The following BICC1 variants were observed in gnomAD, a reference collection of about 807,000 sequenced individuals.
BICC1 encodes BicC family RNA binding protein 1.
A neutral mutation model predicts 111.0 loss-of-function variants in BICC1; 43 were observed. The ratio of observed to expected loss-of-function variants is 0.39; its 90% CI spans 0.30 to 0.50. BICC1 has a LOEUF of 0.50. BICC1 is among the 20% of genes least tolerant of loss of function. The pLI is 0.88. For missense variants in BICC1, 1,091 were observed against 1,203.2 expected (o/e 0.91, Z 1.38); for synonymous variants, 467 against 434.4 (o/e 1.07, Z -0.93).
intron 17 of BICC1, among the ~76,000 whole-genome samples, chr10:58,807,810 C>T (rs1443091399): frequency 6.6e-6 from 1 of 152,086 alleles, no homozygotes; most frequent in Non-Finnish European, 1.5e-5. Context: ...TGGCTCTAAG[C>T]CTTTGGGAGT....
intron 2 of BICC1, among the ~76,000 whole-genome samples, chr10:58,688,483 C>T (rs1303041129): frequency 6.6e-6 from 1 of 152,064 alleles, no homozygotes; most frequent in African/African-American, 2.4e-5. Flanking sequence ...CCCCCCTGAC[C>T]CAGAAGCCCA....
In BICC1 at chr10:58,829,404, A is replaced by G. The variant is rs1036035260; in HGVS notation, c.*513A>G. ...TTTACACGTTCTAATTTCTTGTCCT[A>G]TGGAAGTTCTCGCTGTCTCCATCTC... On this transcript the variant is annotated 3_prime_UTR_variant, in exon 21 of 21. Coordinates refer to ENST00000373886, the MANE Select transcript of BICC1 (RefSeq NM_001080512.3). The G allele has an allele frequency of 6.6e-6, 1 of 152,060 alleles. No individual in the cohort carries two copies. Among genetic ancestry groups the G allele is most frequent in the African/African-American group, 2.4e-5 (1 of 41,362 alleles). The allele number at this position is 152,060 out of a possible 1,614,324, so 9.4% of individuals were successfully genotyped here. A position where few individuals can be genotyped will look rare whatever the true frequency, so the allele number is the denominator to read the frequency against.
At chr10:58,714,617 G>A (rs921574399) in intron 3 of BICC1, among the ~76,000 whole-genome samples, 4 of 151,976 alleles carry the variant, frequency 2.6e-5, no homozygotes, top group African/African-American at 9.7e-5. Context: ...CAATTCCTAA[G>A]GTTTCTGACA....
chr10:58,695,538 T>C (rs1335872971), intron 2 of BICC1, among the ~76,000 whole-genome samples: 2 of 152,216 alleles, frequency 1.3e-5, no homozygotes, highest in Non-Finnish European at 2.9e-5. Context: ...TCAGTGTTCT[T>C]TTCCTGGTCC....
intron 3 of BICC1, among the ~76,000 whole-genome samples, chr10:58,766,960 G>A (rs1001698454): frequency 6.6e-6 from 1 of 151,772 alleles, no homozygotes; most frequent in Non-Finnish European, 1.5e-5. Context: ...GATGGGGGTG[G>A]CGGAAATCAC....
Position 58,799,073 on chromosome 10 carries a change from C to T in BICC1, c.1546C>T (p.His516Tyr). The change falls in exon 12 of 21, where the codon CAC becomes TAC. Residue 516 changes from histidine to tyrosine, a missense_variant. His to Tyr is a moderately conservative substitution (Grantham distance 83). This residue lies in a region of BICC1 where 843 missense variants were observed against 900.8 expected (regional missense o/e 0.94). Transcript: ENST00000373886. ...SSATGFSAIPHLMIPSTAQAT... is the reference protein window; with the variant it reads ...SSATGFSAIPYLMIPSTAQAT... ...TGTTGTAGGTTTTTCTGCTATACCACACCTTATGATTCCATCTACTGCCCA... is the reference window on the plus strand; with the variant it reads ...TGTTGTAGGTTTTTCTGCTATACCATACCTTATGATTCCATCTACTGCCCA... The T allele has an allele frequency of 1.2e-6, 2 of 1,610,058 alleles. No individual in the cohort carries two copies. Among genetic ancestry groups the T allele is most frequent in the Non-Finnish European group, 1.7e-6 (2 of 1,177,266 alleles).
At chr10:58,522,213 G>A (rs1377282531) in intron 1 of BICC1, among the ~76,000 whole-genome samples, 1 of 151,800 alleles carries the variant, frequency 6.6e-6, no homozygotes, top group African/African-American at 2.4e-5. Flanking sequence ...TGGTTTTCCT[G>A]CAGACTCCCA....
At chr10:58,653,902 A>G (rs963042580) in intron 2 of BICC1, among the ~76,000 whole-genome samples, 8 of 147,168 alleles carry the variant, frequency 5.4e-5, no homozygotes, top group African/African-American at 1.3e-4. Context: ...TCATTGTTCA[A>G]TTCCCACCTA....
chr10:58,739,214 G>T (rs1403358301), intron 3 of BICC1, among the ~76,000 whole-genome samples: 2 of 152,112 alleles, frequency 1.3e-5, no homozygotes, highest in Non-Finnish European at 2.9e-5. Flanking sequence ...TATTGGCTGT[G>T]GGTTTGTCAT....
At chr10:58,659,851 A>G (rs959010501) in intron 2 of BICC1, among the ~76,000 whole-genome samples, 2 of 152,198 alleles carry the variant, frequency 1.3e-5, no homozygotes, top group African/African-American at 4.8e-5. Context: ...AGCACTTGAG[A>G]AGAAGGTAAA....
intron 3 of BICC1, among the ~76,000 whole-genome samples, chr10:58,783,953 T>C (rs1359511305): frequency 6.6e-6 from 1 of 152,156 alleles, no homozygotes; most frequent in Non-Finnish European, 1.5e-5. Flanking sequence ...TTAAGGAGGC[T>C]AGTCCCCACC....
intron 3 of BICC1, among the ~76,000 whole-genome samples, chr10:58,731,137 G>C (rs1235816189): frequency 6.6e-6 from 1 of 152,118 alleles, no homozygotes; most frequent in Admixed American, 6.5e-5. Flanking sequence ...TTTTTTACCA[G>C]ATACTCTAAA....
rs1589117416 is a variant in BICC1, at chr10:58,582,877, G to C, written c.191-37978G>C. On this transcript the variant is annotated intron_variant, in intron 1 of 20. Coordinates refer to ENST00000373886, the MANE Select transcript of BICC1 (RefSeq NM_001080512.3). ...CATTGAGCCTACTCAGAGAACGCAG[G>C]ATAATCTTATTTTTAGGCCAGCTGC... 2.0e-5 allele frequency among the ~76,000 whole-genome samples: 3 copies of C among 152,150 alleles called. No individual in the cohort carries two copies. The East Asian group carries it at 5.8e-4, about 29-fold the overall frequency.
At chr10:58,795,876 TA>T (rs1252140583) in intron 9 of BICC1, among the ~76,000 whole-genome samples, 1 of 152,200 alleles carries the variant, frequency 6.6e-6, no homozygotes, top group Non-Finnish European at 1.5e-5. Flanking sequence ...ATGCAGTTTA[TA>T]TGTGGTCACA....
intron 2 of BICC1, among the ~76,000 whole-genome samples, chr10:58,689,654 G>A (rs1383582974): frequency 2.6e-5 from 4 of 152,218 alleles, no homozygotes; most frequent in Admixed American, 6.5e-5. Flanking sequence ...TACTCTGAAA[G>A]TTTGTAGTAG....
intron 2 of BICC1, among the ~76,000 whole-genome samples, chr10:58,666,984 C>T (rs1839032683): frequency 1.3e-5 from 2 of 152,026 alleles, no homozygotes; most frequent in South Asian, 4.1e-4. Flanking sequence ...ATATATTAGA[C>T]ATAATGGGTT....
At chr10:58,816,264 G>A (rs1443518402) in intron 18 of BICC1, among the ~76,000 whole-genome samples, 2 of 152,024 alleles carry the variant, frequency 1.3e-5, no homozygotes, top group African/African-American at 4.8e-5. Context: ...CCTTTGACCC[G>A]GTACCTCAAT....
intron 2 of BICC1, among the ~76,000 whole-genome samples, chr10:58,643,928 C>T (rs1838193286): frequency 6.6e-6 from 1 of 152,088 alleles, no homozygotes; most frequent in Non-Finnish European, 1.5e-5. Flanking sequence ...CAGCACCTAC[C>T]CTGCTGAAAT....
chr10:58,668,956 A>G (rs1265352162), intron 2 of BICC1, among the ~76,000 whole-genome samples: 1 of 152,074 alleles, frequency 6.6e-6, no homozygotes, highest in Non-Finnish European at 1.5e-5. Context: ...TTTGAAATCT[A>G]AAAGGATTGT....
Sources: allele counts gnomAD v4.1 joint callset (sites outside exome capture counted in the v4.1 genomes callset), GRCh38; gene constraint gnomAD v4.1.1; regional missense constraint gnomAD v4.1.1; transcripts MANE v1.5; gene names NCBI Gene and HGNC (gene_info 2026-07-23, HGNC 2026-07-21).